Variants in DNAH14 observed in about 807,000 individuals in gnomAD.
The protein encoded by DNAH14 is axonemal beta dynein heavy chain 14.
DNAH14 carries 478 observed loss-of-function variants against 520.9 expected under a neutral mutation model. That is an observed-to-expected ratio of 0.92 (90% CI 0.85 to 0.99). The LOEUF is 0.99. DNAH14 is among the 50% of genes least tolerant of loss of function. The pLI, the probability that DNAH14 is intolerant of heterozygous loss-of-function variation, is 0.00. For missense variants in DNAH14, 4,831 were observed against 5,234.5 expected, an observed-to-expected ratio of 0.92 and a Z score of 2.38; for synonymous variants, 1,581 against 1,757.2, an observed-to-expected ratio of 0.90 and a Z score of 2.51.
In DNAH14 at chr1:225,259,235, G is replaced by A. The variant is rs2092847367; in HGVS notation, c.7139G>A (p.Ser2380Asn). The A allele has an allele frequency of 2.0e-6, 3 of 1,491,688 alleles. No homozygotes were observed. 92.4% of individuals were successfully genotyped at this position (1,491,688 alleles called of 1,614,324 possible). Residue 2380 changes from serine (S) to asparagine (N), a missense_variant, in exon 46 of 86, where the codon AGT (serine) becomes AAT (asparagine). Coordinates refer to ENST00000682510, the MANE Select transcript of DNAH14 (RefSeq NM_001367479.1). ...ATTTTAGGAGACACCCTATTATATA[G>A]TGAAATAAAAAAATCAAGGTTGTAT... ...GSILGDTLLY[S>N]EIKKSSSLKQ... is the part of the protein sequence containing the mutation.
Position 225,102,866 on chromosome 1 carries a change from T to A in DNAH14, c.3867+1982T>A, listed in dbSNP as rs549853250. On this transcript the variant is annotated intron_variant, in intron 23 of 85. Coordinates refer to ENST00000682510, the MANE Select transcript of DNAH14 (RefSeq NM_001367479.1). ...GCCTGTTCACTCTGATGGTATTTCT[T>A]TTGCTGTGCAGAAGCTCTTTAGTTT... Among the ~76,000 whole-genome samples the A allele has an allele frequency of 3.9e-5, 6 of 152,350 alleles. No homozygotes were observed. In the South Asian group the frequency reaches 1.2e-3, roughly 32 times the overall value.
At chr1:225,369,821 C>T (rs1489183291) in intron 77 of DNAH14, among the ~76,000 whole-genome samples, 3 of 152,140 alleles carry the variant, frequency 2.0e-5, no homozygotes, top group Admixed American at 2.0e-4. Context: ...AAAAATTTGA[C>T]CCCTAAAAAT....
chr1:225,175,909 C>T (rs999290746), intron 36 of DNAH14, among the ~76,000 whole-genome samples: 2 of 151,912 alleles, frequency 1.3e-5, no homozygotes, highest in African/African-American at 4.8e-5. Context: ...CAGGCACCCA[C>T]CATGCCCGGC....
intron 41 of DNAH14, among the ~76,000 whole-genome samples, chr1:225,214,719 T>C (rs1235148716): frequency 6.6e-6 from 1 of 152,218 alleles, no homozygotes; most frequent in East Asian, 1.9e-4. Flanking sequence ...TATTCTCTGA[T>C]GGTAGTTTGT....
At chr1:225,325,650 G>A (rs1223044616) in intron 64 of DNAH14, among the ~76,000 whole-genome samples, 1 of 152,072 alleles carries the variant, frequency 6.6e-6, no homozygotes, top group Non-Finnish European at 1.5e-5. Context: ...TACCTATTTA[G>A]CTCACGTACA....
At chr1:225,381,344 C>A in intron 80 of DNAH14, 39 bp from the exon 81 acceptor site, 1 of 1,510,838 alleles carries the variant, frequency 6.6e-7, no homozygotes, top group Non-Finnish European at 8.8e-7. Context: ...TCTTTTTAAT[C>A]TGTAAAATAT....
intron 84 of DNAH14, among the ~76,000 whole-genome samples, 162 bp downstream of exon 84, chr1:225,392,613 C>T (rs2095934190): frequency 6.6e-6 from 1 of 152,222 alleles, no homozygotes; most frequent in Non-Finnish European, 1.5e-5. Flanking sequence ...TGCCCTCAGA[C>T]TTCATGTCTT....
intron 8 of DNAH14, among the ~76,000 whole-genome samples, chr1:224,975,209 C>A (rs1220072869): frequency 1.3e-5 from 2 of 152,076 alleles, no homozygotes; most frequent in African/African-American, 4.8e-5. Flanking sequence ...TGTCTCTGCC[C>A]AGTTTTAGTA....
intron 11 of DNAH14, among the ~76,000 whole-genome samples, chr1:225,035,844 C>A (rs1413022797): frequency 6.6e-6 from 1 of 151,578 alleles, no homozygotes; most frequent in African/African-American, 2.4e-5. Flanking sequence ...TCTATTAGGC[C>A]CATTTGGTTT....
chr1:225,106,694 C>G (rs192248875), intron 23 of DNAH14, among the ~76,000 whole-genome samples: 2 of 151,966 alleles, frequency 1.3e-5, no homozygotes, highest in Non-Finnish European at 2.9e-5. Flanking sequence ...CTTGTGCATT[C>G]GTCACATAGT....
chr1:225,337,178 A>G (rs1310272763), intron 66 of DNAH14, 88 bp from the exon 67 acceptor site: 2 of 1,074,814 alleles, frequency 1.9e-6, no homozygotes, highest in Non-Finnish European at 2.7e-6. Flanking sequence ...AAAGGCAGTG[A>G]TTCTGTAGGA....
In DNAH14 at chr1:225,156,709, C is replaced by CTTTTTT. The variant is rs71170061; in HGVS notation, c.5274-2587_5274-2582dup. On this transcript the variant is annotated intron_variant, in intron 34 of 85. Coordinates refer to ENST00000682510, the MANE Select transcript of DNAH14 (RefSeq NM_001367479.1). ...TCTAGGATAAACTCCTCTTAAAATTCTTTTTTTTTTTTTTTTTTTTTTTGA... is the reference window on the plus strand; with the variant it reads ...TCTAGGATAAACTCCTCTTAAAATTCTTTTTTTTTTTTTTTTTTTTTTTTTTTTTGA... 2.4e-3 allele frequency among the ~76,000 whole-genome samples: 163 copies of CTTTTTT among 68,162 alleles called. 4 individuals are homozygous for CTTTTTT. Among genetic ancestry groups the CTTTTTT allele is most frequent in the Middle Eastern group, 0.012 (1 of 82 alleles). The allele number at this position is 68,162 out of a possible 152,430, so 44.7% of individuals were successfully genotyped here.
chr1:225,082,448 T>A, intron 19 of DNAH14, 101 bp from the exon 20 acceptor site: 1 of 961,410 alleles, frequency 1.0e-6, no homozygotes, highest in Non-Finnish European at 1.5e-6. Flanking sequence ...ATAAAGTAGT[T>A]TTTAACAAAT....
At chr1:225,069,338 G>A (rs1016620900) in intron 17 of DNAH14, among the ~76,000 whole-genome samples, 13 of 152,236 alleles carry the variant, frequency 8.5e-5, no homozygotes, top group East Asian at 1.9e-4. Flanking sequence ...TGTTGGCTGC[G>A]GGTTTGTCAG....
chr1:225,222,230 G>T (rs886176495), intron 41 of DNAH14, among the ~76,000 whole-genome samples: 1 of 152,148 alleles, frequency 6.6e-6, no homozygotes, highest in South Asian at 2.1e-4. Context: ...AGTCATTGGT[G>T]CCCGCTTGGG....
intron 54 of DNAH14, among the ~76,000 whole-genome samples, chr1:225,283,158 A>T (rs2093662876): frequency 6.6e-6 from 1 of 152,030 alleles, no homozygotes; most frequent in South Asian, 2.1e-4. Flanking sequence ...AAAATGAGAC[A>T]TATGGAAAAT....
chr1:225,229,922 TA>T (rs1284676859), intron 41 of DNAH14, among the ~76,000 whole-genome samples: 45 of 152,082 alleles, frequency 3.0e-4, no homozygotes, highest in Admixed American at 9.2e-4. Flanking sequence ...TAATAAAAAA[TA>T]AAAATGTATA....
At chr1:225,012,964 C>G (rs1415549723) in intron 10 of DNAH14, among the ~76,000 whole-genome samples, 2 of 152,176 alleles carry the variant, frequency 1.3e-5, no homozygotes, top group African/African-American at 4.8e-5. Flanking sequence ...CTACTTCTGT[C>G]AGTTCATCAA....
intron 60 of DNAH14, among the ~76,000 whole-genome samples, chr1:225,309,242 A>G (rs775378737): frequency 8.5e-5 from 13 of 152,192 alleles, no homozygotes; most frequent in Non-Finnish European, 1.5e-4. Context: ...AAAAATTTAT[A>G]TCAAGAATAA....
Sources: gnomAD v4.1 joint callset for allele counts (sites outside exome capture counted in the v4.1 genomes callset) on GRCh38, gnomAD v4.1.1 for gene constraint, MANE v1.5 for transcripts, NCBI Gene and HGNC (gene_info 2026-07-23, HGNC 2026-07-21) for gene names.